Variants in ZNF560 observed in about 807,000 individuals in gnomAD.
The protein encoded by ZNF560 is zinc finger protein 560.
In ZNF560, 54 loss-of-function variants were observed where a neutral mutation model predicts 81.8. The observed-to-expected ratio is 0.66, with a 90% CI of 0.53 to 0.83. The LOEUF (loss-of-function observed/expected upper bound fraction) is 0.83. ZNF560 is among the 40% of genes least tolerant of loss of function. The pLI is 0.00. For missense variants in ZNF560, 940 were observed against 932.4 expected (o/e 1.01, Z -0.11); for synonymous variants, 321 against 317.9 (o/e 1.01, Z -0.10).
the ZNF560 span, among the ~76,000 whole-genome samples, chr19:9,458,541 C>T: frequency 1.3e-5 from 2 of 152,214 alleles, no homozygotes; most frequent in East Asian, 3.9e-4. Flanking sequence ...TGAAAATGCT[C>T]AGCTACAATT....
chr19:9,450,278 A>C, the ZNF560 span, among the ~76,000 whole-genome samples: 2 of 138,968 alleles, frequency 1.4e-5, no homozygotes, highest in African/African-American at 5.7e-5. Context: ...GTGATAGGGC[A>C]AGACTTTGTC....
downstream of ZNF560, among the ~76,000 whole-genome samples, chr19:9,464,572 T>A (rs1284462826): frequency 6.6e-6 from 1 of 152,100 alleles, no homozygotes; most frequent in Non-Finnish European, 1.5e-5. Context: ...GGAACAAGAG[T>A]ATTTTTACAT....
At chr19:9,468,721 ATTTC>A (rs2073073678) in intron 9 of ZNF560, among the ~76,000 whole-genome samples, 1 of 133,890 alleles carries the variant, frequency 7.5e-6, no homozygotes, top group South Asian at 2.4e-4. Flanking sequence ...ATTTCTGCTG[ATTTC>A]TTTTTTTTTT....
chr19:9,450,035 G>A, the ZNF560 span, among the ~76,000 whole-genome samples: 16 of 148,644 alleles, frequency 1.1e-4, 1 homozygote, highest in South Asian at 2.1e-4. Flanking sequence ...GCTTGTGCCC[G>A]TAATCCCAGC....
intron 2 of ZNF560, among the ~76,000 whole-genome samples, chr19:9,483,846 T>C (rs546575616): frequency 9.9e-5 from 15 of 152,094 alleles, no homozygotes; most frequent in East Asian, 3.9e-4. Context: ...TTTTGTCGAA[T>C]AGAAAAGGGG....
chr19:9,453,433 T>TAGCAACA, the ZNF560 span, among the ~76,000 whole-genome samples: 78 of 152,064 alleles, frequency 5.1e-4, 1 homozygote, highest in African/African-American at 1.9e-3. Flanking sequence ...TCTAGCAACA[T>TAGCAACA]TAATGTTTTT....
the ZNF560 span, among the ~76,000 whole-genome samples, chr19:9,453,630 A>G: frequency 1.3e-5 from 2 of 152,210 alleles, no homozygotes; most frequent in South Asian, 4.1e-4. Flanking sequence ...AAATTGGAAA[A>G]TAATAAATAA....
intron 2 of ZNF560, among the ~76,000 whole-genome samples, chr19:9,477,763 T>C (rs776378203): frequency 1.1e-4 from 16 of 152,124 alleles, no homozygotes; most frequent in Non-Finnish European, 1.6e-4. Context: ...CCTTTATGGT[T>C]CTTACAAATC....
At chr19:9,447,412 G>A in the ZNF560 span, among the ~76,000 whole-genome samples, 1 of 152,060 alleles carries the variant, frequency 6.6e-6, no homozygotes, top group African/African-American at 2.4e-5. Flanking sequence ...GAGATGACAG[G>A]TGGAGAATTC....
downstream of ZNF560, among the ~76,000 whole-genome samples, chr19:9,466,205 G>A (rs1437933286): frequency 2.6e-5 from 4 of 151,816 alleles, no homozygotes; most frequent in East Asian, 3.9e-4. Context: ...AATTAGCCAG[G>A]TGTGGTGGTG....
At chr19:9,463,524 A>G (rs1310379983), downstream of ZNF560, among the ~76,000 whole-genome samples, 1 of 152,236 alleles carries the variant, frequency 6.6e-6, no homozygotes, top group Non-Finnish European at 1.5e-5. Flanking sequence ...ACACAAGGCA[A>G]TTAAGACTAA....
chr19:9,454,143 CAG>C, the ZNF560 span, among the ~76,000 whole-genome samples: 2 of 152,198 alleles, frequency 1.3e-5, no homozygotes, highest in Admixed American at 6.5e-5. Flanking sequence ...GTTCCTGCTG[CAG>C]ATAACAAGCA....
At chr19:9,470,670 T>A in intron 6 of ZNF560, 152 bp from the exon 7 acceptor site, 1 of 975,372 alleles carries the variant, frequency 1.0e-6, no homozygotes, top group East Asian at 2.5e-5. Context: ...AACTCTTCTA[T>A]CCACATTCAC....
intron 2 of ZNF560, among the ~76,000 whole-genome samples, chr19:9,495,219 T>C (rs563835580): frequency 3.3e-5 from 5 of 152,296 alleles, no homozygotes; most frequent in South Asian, 2.1e-4. Context: ...AGACACAGCA[T>C]GCTTATCAAA....
chr19:9,471,448 T>C, intron 5 of ZNF560, 70 bp from the exon 6 acceptor site: 2 of 1,006,716 alleles, frequency 2.0e-6, no homozygotes, highest in Non-Finnish European at 2.8e-6. Context: ...GAGTTAAAAA[T>C]TATAGGCCTC....
chr19:9,475,355 G>T lies in ZNF560; in HGVS notation c.-42C>A, dbSNP rs113847233. 5.0e-6 allele frequency: 8 copies of T among 1,607,940 alleles called. No individual in the cohort carries two copies. The highest frequency in any genetic ancestry group is 5.1e-6 in the Non-Finnish European group (6 of 1,175,930). On this transcript the variant is annotated 5_prime_UTR_variant, in exon 3 of 10. Transcript: ENST00000301480. ...GTCTTTTCTTCATGAAGGCAGATTG[G>T]GTTCCTAGAAAGACCTGGAAAAGAA...
At chr19:9,455,498 G>C in the ZNF560 span, among the ~76,000 whole-genome samples, 9 of 152,302 alleles carry the variant, frequency 5.9e-5, no homozygotes, top group African/African-American at 2.2e-4. Context: ...GGTCATGCAG[G>C]ATGATGTTAT....
chr19:9,466,503 T>G lies in ZNF560; in HGVS notation c.*71A>C, dbSNP rs1051340121. The G allele has an allele frequency of 8.5e-6, 12 of 1,415,394 alleles. No homozygotes were observed. Among genetic ancestry groups the G allele is most frequent in the Non-Finnish European group, 1.2e-5 (12 of 1,042,424 alleles). 87.7% of individuals were successfully genotyped at this position (1,415,394 alleles called of 1,614,324 possible). ...TAGTGTTACTTTCTCCTGTGAATTTTTACATGTTCAGTTAGGCTTGAGGAA... is the reference window on the plus strand; with the variant it reads ...TAGTGTTACTTTCTCCTGTGAATTTGTACATGTTCAGTTAGGCTTGAGGAA... On this transcript the variant is annotated 3_prime_UTR_variant, in exon 10 of 10. Coordinates refer to ENST00000301480, the MANE Select transcript of ZNF560 (RefSeq NM_152476.3).
chr19:9,452,713 G>A, the ZNF560 span, among the ~76,000 whole-genome samples: 22 of 152,274 alleles, frequency 1.4e-4, no homozygotes, highest in East Asian at 3.1e-3. Context: ...TGGATACAAC[G>A]ATGGGAACAA....
Sources: gnomAD v4.1 joint callset for allele counts (sites outside exome capture counted in the v4.1 genomes callset) on GRCh38, gnomAD v4.1.1 for gene constraint, MANE v1.5 for transcripts, NCBI Gene and HGNC (gene_info 2026-07-23, HGNC 2026-07-21) for gene names.